The following GALNT13 variants were observed in gnomAD, a reference collection of about 807,000 sequenced individuals.
GALNT13 encodes polypeptide N-acetylgalactosaminyltransferase 13.
A neutral mutation model predicts 64.2 loss-of-function variants in GALNT13; 28 were observed. That is an observed-to-expected ratio of 0.44 (90% confidence interval 0.32 to 0.60). GALNT13 has a LOEUF of 0.60. Ranked by LOEUF, GALNT13 falls within the 20% of genes least tolerant of loss-of-function variation. GALNT13 has a pLI of 0.05. For missense variants in GALNT13, 577 were observed against 669.8 expected (o/e 0.86, Z 1.53); for synonymous variants, 214 against 224.6 (o/e 0.95, Z 0.42).
chr2:153,712,888 C>T, the GALNT13 span, among the ~76,000 whole-genome samples: 6 of 152,140 alleles, frequency 3.9e-5, no homozygotes, highest in African/African-American at 1.4e-4. Context: ...ATGTATCGGT[C>T]CACCATTTTG....
At chr2:154,029,589 A>AAAG (rs1453468843) in intron 3 of GALNT13, among the ~76,000 whole-genome samples, 1 of 152,170 alleles carries the variant, frequency 6.6e-6, no homozygotes, top group Non-Finnish European at 1.5e-5. Flanking sequence ...ATTCTCATTT[A>AAAG]AAGACATAAA....
chr2:154,014,577 GTT>G (rs35992474), intron 3 of GALNT13, among the ~76,000 whole-genome samples: 3 of 136,792 alleles, frequency 2.2e-5, no homozygotes, highest in Non-Finnish European at 3.1e-5. Context: ...TCTTTCCTCT[GTT>G]TTTTTTTGTT....
chr2:153,542,345 A>C, the GALNT13 span, among the ~76,000 whole-genome samples: 514 of 95,038 alleles, frequency 5.4e-3, 1 homozygote, highest in African/African-American at 9.3e-3. Flanking sequence ...CAAACAAACA[A>C]ACACACACAC....
intron 4 of GALNT13, among the ~76,000 whole-genome samples, chr2:154,232,649 T>A (rs1688978736): frequency 6.6e-6 from 1 of 152,100 alleles, no homozygotes; most frequent in South Asian, 2.1e-4. Context: ...TGAAATCAGA[T>A]TGCATGGGTT....
At chr2:154,325,667 TA>T (rs1263160118) in intron 9 of GALNT13, among the ~76,000 whole-genome samples, 4 of 152,254 alleles carry the variant, frequency 2.6e-5, no homozygotes, top group African/African-American at 9.6e-5. Context: ...TGTGATGCTT[TA>T]GTATAGTCAT....
At chr2:153,988,067 T>C (rs112619159) in intron 3 of GALNT13, among the ~76,000 whole-genome samples, 30,057 of 142,610 alleles carry the variant, frequency 0.21, 3,904 homozygotes, top group Middle Eastern at 0.33. Context: ...CATATATATA[T>C]ATATATACAC....
At chr2:153,286,888 A>C in the GALNT13 span, among the ~76,000 whole-genome samples, 1 of 152,210 alleles carries the variant, frequency 6.6e-6, no homozygotes, top group Admixed American at 6.5e-5. Context: ...AGACTGATAA[A>C]ATTTGTTTTA....
Position 154,221,844 on chromosome 2 carries a change from C to T in GALNT13, c.312-20186C>T, listed in dbSNP as rs1007323540. ...TATTATGAAAATTCATTTGTTTTAC[C>T]GTTCATTAATGTTTGAAATGGGGCA... On this transcript the variant is annotated intron_variant, in intron 4 of 12. Coordinates refer to ENST00000392825, the MANE Select transcript of GALNT13 (RefSeq NM_052917.4). 1.6e-4 allele frequency among the ~76,000 whole-genome samples: 24 copies of T among 152,044 alleles called. No individual in the cohort carries two copies. In the Middle Eastern group the frequency reaches 0.01, roughly 65 times the overall value.
At chr2:153,446,042 CTA>C in the GALNT13 span, among the ~76,000 whole-genome samples, 1 of 151,962 alleles carries the variant, frequency 6.6e-6, no homozygotes, top group African/African-American at 2.4e-5. Flanking sequence ...ACAGCCATCT[CTA>C]TATATAAAGT....
intron 2 of GALNT13, among the ~76,000 whole-genome samples, chr2:153,927,835 G>T (rs1241038376): frequency 6.6e-6 from 1 of 151,914 alleles, no homozygotes; most frequent in Non-Finnish European, 1.5e-5. Flanking sequence ...GAGTTGTTTT[G>T]TTTTTTCCCC....
chr2:153,590,220 T>C, the GALNT13 span, among the ~76,000 whole-genome samples: 5 of 152,122 alleles, frequency 3.3e-5, no homozygotes, highest in East Asian at 1.9e-4. Context: ...TATACACTTA[T>C]AAACTAGAAA....
the GALNT13 span, among the ~76,000 whole-genome samples, chr2:153,728,107 G>T: frequency 5.3e-5 from 8 of 152,278 alleles, no homozygotes; most frequent in East Asian, 1.3e-3. Context: ...GTATTCCATG[G>T]TGTGTATGTG....
chr2:154,372,327 T>C (rs1408581582), intron 9 of GALNT13, among the ~76,000 whole-genome samples: 1 of 111,616 alleles, frequency 9.0e-6, no homozygotes, highest in Non-Finnish European at 2.1e-5. Context: ...CCTCAGCATA[T>C]GGAAGAATCC....
intron 3 of GALNT13, among the ~76,000 whole-genome samples, chr2:153,970,693 C>G (rs566529169): frequency 6.6e-6 from 1 of 152,218 alleles, no homozygotes; most frequent in South Asian, 2.1e-4. Context: ...AACTGAATTT[C>G]TCATCTTTCA....
intron 9 of GALNT13, among the ~76,000 whole-genome samples, chr2:154,352,532 A>G (rs1242120730): frequency 1.3e-5 from 2 of 152,236 alleles, no homozygotes; most frequent in East Asian, 3.8e-4. Context: ...CTCCCAGATT[A>G]CAAAGGAGAA....
the GALNT13 span, among the ~76,000 whole-genome samples, chr2:153,558,294 G>C: frequency 6.6e-6 from 1 of 152,120 alleles, no homozygotes; most frequent in Non-Finnish European, 1.5e-5. Context: ...TTACTGTTTG[G>C]GGATGCTGTT....
At chr2:153,780,214 G>GATATATATATATATATATATATAT in the GALNT13 span, among the ~76,000 whole-genome samples, 2 of 128,032 alleles carry the variant, frequency 1.6e-5, no homozygotes, top group East Asian at 3.5e-4. Flanking sequence ...AGAATTTGAA[G>GATATATATATATATATATATATAT]ATATATATAT....
intron 9 of GALNT13, among the ~76,000 whole-genome samples, chr2:154,377,650 A>C (rs2105325086): frequency 6.6e-6 from 1 of 152,306 alleles, no homozygotes; most frequent in East Asian, 1.9e-4. Context: ...ATCTGACTTA[A>C]AAATAATAGT....
At chr2:153,248,833 A>G in the GALNT13 span, among the ~76,000 whole-genome samples, 6 of 47,856 alleles carry the variant, frequency 1.3e-4, no homozygotes, top group South Asian at 2.1e-3. Context: ...AAAAAAGAAA[A>G]AAAAGAAAAA....
Sources: gnomAD v4.1 joint callset for allele counts (sites outside exome capture counted in the v4.1 genomes callset) on GRCh38, gnomAD v4.1.1 for gene constraint, MANE v1.5 for transcripts, NCBI Gene and HGNC (gene_info 2026-07-23, HGNC 2026-07-21) for gene names.